The following DNAH3 variants were observed in gnomAD, a reference collection of about 807,000 sequenced individuals.
DNAH3 encodes axonemal beta dynein heavy chain 3.
In DNAH3, 332 loss-of-function variants were observed where a neutral mutation model predicts 432.5. The observed-to-expected ratio is 0.77, with a 90% confidence interval of 0.70 to 0.84. The LOEUF (loss-of-function observed/expected upper bound fraction) is 0.84, where lower values mean the gene tolerates loss of function less well. Among genes scored for constraint, DNAH3 ranks in the 40% least tolerant of loss-of-function variants. The pLI is 0.00. For synonymous variants in DNAH3, 1,956 were observed against 1,900.2 expected (o/e 1.03, Z -0.76); for missense variants, 4,861 against 5,114.0 (o/e 0.95, Z 1.51).
chr16:21,039,841 A>G lies in DNAH3; in HGVS notation c.4730+11T>C, dbSNP rs2089347851. 6 of 1,599,310 alleles carry G rather than the reference A, an allele frequency of 3.8e-6. No homozygotes were observed. Among genetic ancestry groups the G allele is most frequent in the Admixed American group, 1.7e-5 (1 of 59,974 alleles). On this transcript the variant is annotated intron_variant, in intron 33 of 61. Transcript: ENST00000261383. ...TCCTTTAGAATGCACTGGAAAACCC[A>G]TGTAACACACCTTCTGGAGTCCAGA...
rs1172354295 is a variant in DNAH3 at position 21,111,839 on chromosome 16, C to T, written c.1921-35G>A. ...GGAGCACATTCAGTAGCTTGATTTG[C>T]CCTTGAGCCTCTCCCACTTGCCCCC... On this transcript the variant is annotated intron_variant, in intron 13 of 61. Transcript: ENST00000261383. The T allele has an allele frequency of 1.9e-6, 3 of 1,603,278 alleles. No homozygotes were observed. In the South Asian group the frequency reaches 3.3e-5, roughly 18 times the overall value.
chr16:21,131,927 G>A (rs2092570841), intron 7 of DNAH3, among the ~76,000 whole-genome samples: 1 of 151,290 alleles, frequency 6.6e-6, no homozygotes, highest in South Asian at 2.1e-4. Flanking sequence ...AGTCACAGAG[G>A]GATTAATTTC....
At chr16:21,053,234 TGAA>T (rs1159826801) in intron 28 of DNAH3, among the ~76,000 whole-genome samples, 6 of 152,280 alleles carry the variant, frequency 3.9e-5, no homozygotes, top group African/African-American at 1.4e-4. Flanking sequence ...GAAGAGTCCT[TGAA>T]GAAGATTATA....
intron 19 of DNAH3, among the ~76,000 whole-genome samples, chr16:21,082,384 T>C (rs1486570890): frequency 1.3e-5 from 2 of 152,140 alleles, no homozygotes; most frequent in Non-Finnish European, 2.9e-5. Flanking sequence ...AATTTTTTTG[T>C]AGAGATGGGG....
chr16:21,099,263 T>C (rs370744010), intron 16 of DNAH3, among the ~76,000 whole-genome samples: 1 of 151,848 alleles, frequency 6.6e-6, no homozygotes, highest in South Asian at 2.1e-4. Flanking sequence ...GATGGATGGA[T>C]GGATGGATGG....
At chr16:21,023,359 G>A (rs1298641181) in intron 39 of DNAH3, among the ~76,000 whole-genome samples, 1 of 152,134 alleles carries the variant, frequency 6.6e-6, no homozygotes, top group African/African-American at 2.4e-5. Context: ...ATCCAGCAGG[G>A]ATATCAGTAA....
intron 42 of DNAH3, among the ~76,000 whole-genome samples, chr16:21,001,660 C>T (rs919630316): frequency 6.6e-6 from 1 of 152,180 alleles, no homozygotes; most frequent in Admixed American, 6.5e-5. Context: ...CCTGTATTAC[C>T]CCCTACAGTC....
intron 51 of DNAH3, among the ~76,000 whole-genome samples, chr16:20,972,232 T>C (rs537781783): frequency 8.0e-5 from 12 of 150,012 alleles, no homozygotes; most frequent in Middle Eastern, 6.8e-3. Context: ...TGATTTTTTT[T>C]TCTCTCTTTT....
chr16:21,061,256 C>A (rs1410119513), intron 25 of DNAH3, among the ~76,000 whole-genome samples: 6 of 104,628 alleles, frequency 5.7e-5, no homozygotes, highest in Admixed American at 1.3e-4. Context: ...TTTTTTGAGA[C>A]GGAGTTTCAC....
At chr16:21,139,214 A>ACTGAAGAGTGTATTTCTCAT (rs1407219955) in intron 5 of DNAH3, among the ~76,000 whole-genome samples, 1 of 151,710 alleles carries the variant, frequency 6.6e-6, no homozygotes, top group Non-Finnish European at 1.5e-5. Flanking sequence ...ACTATGACAA[A>ACTGAAGAGTGTATTTCTCAT]CTGAAGAGTG....
intron 39 of DNAH3, among the ~76,000 whole-genome samples, chr16:21,023,786 GGTGTGTGTGTGTGTGT>G (rs3220045): frequency 3.4e-5 from 5 of 146,484 alleles, no homozygotes; most frequent in Non-Finnish European, 6.0e-5. Context: ...CAGCTTTTGG[GGTGTGTGTGTGTGTGT>G]GTGTGTGTGT....
chr16:21,097,364 A>G, exon 18 of DNAH3: 5 of 1,613,694 alleles, frequency 3.1e-6, no homozygotes, highest in Non-Finnish European at 4.2e-6. Flanking sequence ...CCATTCATCC[A>G]TTCCTCTGAC....
chr16:20,979,082 A>G (rs1258763831), intron 50 of DNAH3, among the ~76,000 whole-genome samples: 1 of 152,162 alleles, frequency 6.6e-6, no homozygotes, highest in Non-Finnish European at 1.5e-5. Context: ...GATAAATAAT[A>G]CATTATTGCA....
rs753034975 is a variant in DNAH3 at position 20,985,418 on chromosome 16, T to G, written c.7324A>C (p.Ser2442Arg). 3 of 1,614,096 alleles carry G rather than the reference T, an allele frequency of 1.9e-6. No homozygotes were observed. In the African/African-American group the frequency reaches 4.0e-5, roughly 22 times the overall value. ...ATGAATGTGGACAGTTTGGCGGCAC[T>G]TTGCCGCCCGCTGCCCCCTATGCCC... Residue 2442 changes from serine to arginine, a missense_variant, in exon 48 of 62, where the codon AGT (serine) becomes CGT (arginine). Coordinates refer to ENST00000261383, the Ensembl canonical transcript of DNAH3.
chr16:21,083,869 A>T (rs2091276883), intron 19 of DNAH3, among the ~76,000 whole-genome samples: 1 of 152,118 alleles, frequency 6.6e-6, no homozygotes, highest in African/African-American at 2.4e-5. Context: ...TCCGGAGAGT[A>T]TCTAGGGGCC....
chr16:20,969,226 G>A (rs1343871884), intron 52 of DNAH3, among the ~76,000 whole-genome samples: 3 of 151,054 alleles, frequency 2.0e-5, no homozygotes, highest in African/African-American at 2.4e-5. Flanking sequence ...AAGTGTGTTC[G>A]TGCATGGCTC....
chr16:20,975,120 C>T, intron 51 of DNAH3, 113 bp downstream of exon 51: 1 of 1,293,414 alleles, frequency 7.7e-7, no homozygotes, highest in Non-Finnish European at 1.1e-6. Flanking sequence ...TGTGAGCCAC[C>T]ATGCCCAGCC....
intron 20 of DNAH3, among the ~76,000 whole-genome samples, chr16:21,076,560 T>C (rs2090983138): frequency 6.6e-6 from 1 of 152,130 alleles, no homozygotes; most frequent in Non-Finnish European, 1.5e-5. Context: ...AAATGGCATG[T>C]AATCAAACTG....
chr16:20,991,386 C>T (rs187597941), intron 44 of DNAH3, among the ~76,000 whole-genome samples: 1 of 152,140 alleles, frequency 6.6e-6, no homozygotes, highest in Non-Finnish European at 1.5e-5. Context: ...CTTCCTCAAC[C>T]CCAAGTAGCT....
Sources: allele counts gnomAD v4.1 joint callset (sites outside exome capture counted in the v4.1 genomes callset), GRCh38; gene constraint gnomAD v4.1.1; transcripts MANE v1.5; gene names NCBI Gene and HGNC (gene_info 2026-07-23, HGNC 2026-07-21).